DAPK2: variants seen among roughly 807,000 people sequenced by gnomAD.
DAPK2 encodes the protein death-associated protein kinase 2.
Under a neutral mutation model 44.1 loss-of-function variants are expected in DAPK2, and 35 were observed. That is an observed-to-expected ratio of 0.79 (90% CI 0.61 to 1.05). The LOEUF (loss-of-function observed/expected upper bound fraction) is 1.05, where lower values mean the gene tolerates loss of function less well. Among genes scored for constraint, DAPK2 ranks in the 50% least tolerant of loss-of-function variants. The pLI is 0.00. For synonymous variants in DAPK2, 174 were observed against 182.6 expected, an observed-to-expected ratio of 0.95 and a Z score of 0.38; for missense variants, 453 against 483.2, an observed-to-expected ratio of 0.94 and a Z score of 0.59.
rs144679181 is a variant in DAPK2 at position 63,962,401 on chromosome 15, C to T, written c.453+9022G>A. On this transcript the variant is annotated intron_variant, in intron 3 of 10. Coordinates refer to ENST00000261891, the Ensembl canonical transcript of DAPK2. ...TTGTTCCATTGCTGGCGAGGAGCTG[C>T]GTTCCTTTGGAGGAGAAGAGGCCCT... 5.6e-4 allele frequency among the ~76,000 whole-genome samples: 85 copies of T among 152,352 alleles called. No individual in the cohort carries two copies. In the East Asian group the frequency reaches 0.014, roughly 25 times the overall value.
At chr15:63,986,451 G>T (rs1217603512) in intron 1 of DAPK2, among the ~76,000 whole-genome samples, 1 of 152,142 alleles carries the variant, frequency 6.6e-6, no homozygotes, top group Non-Finnish European at 1.5e-5. Flanking sequence ...TAGAGATGGG[G>T]TCTGGCTCTG....
intron 5 of DAPK2, 52 bp from the exon 7 acceptor site, chr15:63,929,629 C>T: frequency 6.2e-7 from 1 of 1,610,192 alleles, no homozygotes. Flanking sequence ...CATCCCCGAC[C>T]AGCAAGGGAC....
At chr15:64,002,973 CCTGTGTGTGTGTGT>C (rs1315426785) in intron 1 of DAPK2, among the ~76,000 whole-genome samples, 125 of 75,520 alleles carry the variant, frequency 1.7e-3, no homozygotes, top group African/African-American at 7.0e-3. Flanking sequence ...TGTCGTGGGA[CCTGTGTGTGTGTGT>C]GTGTGTGTGT....
At chr15:63,940,868 G>C (rs2140458302) in intron 3 of DAPK2, among the ~76,000 whole-genome samples, 1 of 152,238 alleles carries the variant, frequency 6.6e-6, no homozygotes, top group African/African-American at 2.4e-5. Flanking sequence ...AAAATACCCA[G>C]CATAGGCAAA....
intron 1 of DAPK2, among the ~76,000 whole-genome samples, chr15:64,002,256 T>C (rs2079103488): frequency 6.6e-5 from 10 of 152,256 alleles, no homozygotes; most frequent in Admixed American, 6.5e-4. Flanking sequence ...GAGGAAAGGA[T>C]GGACTACTTT....
At chr15:63,934,839 C>T (rs982335814) in intron 4 of DAPK2, among the ~76,000 whole-genome samples, 3 of 152,072 alleles carry the variant, frequency 2.0e-5, no homozygotes, top group Non-Finnish European at 2.9e-5. Flanking sequence ...GGATTACAGG[C>T]GTGAGTCACT....
intron 3 of DAPK2, among the ~76,000 whole-genome samples, chr15:63,963,054 A>C (rs552443206): frequency 6.6e-6 from 1 of 152,280 alleles, no homozygotes; most frequent in African/African-American, 2.4e-5. Context: ...GCAATGGCAG[A>C]TGCCCCTCCC....
At position 63,923,037 on chromosome 15, in the gene DAPK2, T is replaced by G; in HGVS notation, c.858+1779A>C. 6.5e-7 allele frequency: 1 copy of G among 1,535,898 alleles called. No homozygotes were observed. The highest frequency in any genetic ancestry group is 1.2e-5 in the South Asian group (1 of 84,036). ...GACTCCACCTTGCGGAACTCATACC[T>G]GAGCTGGGACAGGTCATGCCGGGCG... On this transcript the variant is annotated intron_variant, in intron 8 of 10. Coordinates refer to ENST00000261891, the Ensembl canonical transcript of DAPK2. The surrounding 1 kb of genome is among the most constrained non-coding windows in gnomAD (Gnocchi z 4.2).
At chr15:64,008,552 C>T (rs894849232) in intron 1 of DAPK2, among the ~76,000 whole-genome samples, 2 of 152,170 alleles carry the variant, frequency 1.3e-5, no homozygotes, top group African/African-American at 4.8e-5. Flanking sequence ...AAGCATTCTC[C>T]ACTAAGGAAC....
At chr15:63,909,465 A>G (rs1212001316) in intron 10 of DAPK2, 1 of 151,974 alleles carries the variant, frequency 6.6e-6, no homozygotes. Context: ...AAAGAGTACT[A>G]TTTAAGAATA....
chr15:63,924,714 G>A, intron 8 of DAPK2, 102 bp downstream of exon 9: 1 of 1,340,616 alleles, frequency 7.5e-7, no homozygotes, highest in Non-Finnish European at 1.1e-6. Context: ...AGTGTTTAAA[G>A]CAAAGGCCTC....
rs1195246096 is a variant in DAPK2, at chr15:63,921,558, G to A, written c.858+3258C>T. The stretch of plus-strand genomic sequence containing the variant: ...CTGTCCCCTCCCCCAGAGAAAGGGA[G>A]ATGAGATCTTATAATCCTTGGGGAG... On this transcript the variant is annotated intron_variant, in intron 8 of 10. Coordinates refer to ENST00000261891, the Ensembl canonical transcript of DAPK2. The A allele has an allele frequency of 3.3e-5, 5 of 152,256 alleles. No homozygotes were observed. In the South Asian group the frequency reaches 1.0e-3, roughly 32 times the overall value. 9.4% of individuals were successfully genotyped at this position (152,256 alleles called of 1,614,324 possible).
Position 64,000,610 on chromosome 15 carries a change from T to C in DAPK2, c.93-16856A>G, listed in dbSNP as rs539380630. Among the ~76,000 whole-genome samples, 405 of 152,084 alleles carry C rather than the reference T, an allele frequency of 2.7e-3. 2 individuals carry two copies. The highest frequency in any genetic ancestry group is 4.8e-3 in the Non-Finnish European group (324 of 67,986). On this transcript the variant is annotated intron_variant, in intron 1 of 10. Coordinates refer to ENST00000261891, the Ensembl canonical transcript of DAPK2. ...TTCCTACTAGTTGGCAGAATTCAGG[T>C]ATGCAGGGGGAAAAAAATGAAATTT...
At chr15:64,015,585 T>C (rs1261702821) in intron 1 of DAPK2, among the ~76,000 whole-genome samples, 1 of 152,196 alleles carries the variant, frequency 6.6e-6, no homozygotes, top group Non-Finnish European at 1.5e-5. Context: ...TGACCTCATT[T>C]GGAAAAAGGG....
chr15:63,925,727 T>G (rs1237582864), intron 7 of DAPK2, among the ~76,000 whole-genome samples: 1 of 142,390 alleles, frequency 7.0e-6, no homozygotes, highest in African/African-American at 2.6e-5. Context: ...CACACATTAT[T>G]TACATTTCAA....
chr15:63,915,601 C>A (rs369767498), intron 8 of DAPK2, among the ~76,000 whole-genome samples: 4 of 152,158 alleles, frequency 2.6e-5, no homozygotes, highest in African/African-American at 9.7e-5. Flanking sequence ...TAATGAGAAT[C>A]CCACCCTCCT....
intron 2 of DAPK2, among the ~76,000 whole-genome samples, chr15:63,981,046 C>T (rs763539214): frequency 6.7e-6 from 1 of 150,122 alleles, no homozygotes; most frequent in Non-Finnish European, 1.5e-5. Context: ...GCCAGGATCG[C>T]GTCATTGCAC....
chr15:63,971,626 G>A, intron 2 of DAPK2, 65 bp from the exon 4 acceptor site: 1 of 1,558,892 alleles, frequency 6.4e-7, no homozygotes. Context: ...CATGAGGCTG[G>A]GCTGATAGGG....
intron 8 of DAPK2, among the ~76,000 whole-genome samples, chr15:63,915,383 T>G (rs896736265): frequency 6.6e-6 from 1 of 152,214 alleles, no homozygotes; most frequent in African/African-American, 2.4e-5. Flanking sequence ...CACTGATGTC[T>G]GCAATTCCCC....
Sources: allele counts gnomAD v4.1 joint callset (sites outside exome capture counted in the v4.1 genomes callset), GRCh38; gene constraint gnomAD v4.1.1; non-coding constraint Gnocchi (gnomAD v3.1); transcripts MANE v1.5; gene names NCBI Gene and HGNC (gene_info 2026-07-23, HGNC 2026-07-21).